The following EFR3A variants were observed in gnomAD, a reference collection of about 807,000 sequenced individuals.
EFR3A encodes the protein EFR3 homolog A.
Under a neutral mutation model 104.4 loss-of-function variants are expected in EFR3A, and 76 were observed. The observed-to-expected ratio is 0.73, with a 90% confidence interval of 0.60 to 0.88. EFR3A has a LOEUF of 0.88. Ranked by LOEUF, EFR3A falls within the 40% of genes least tolerant of loss-of-function variation. The pLI is 0.00. For missense variants in EFR3A, 985 were observed against 1,012.5 expected, an observed-to-expected ratio of 0.97 and a Z score of 0.37; for synonymous variants, 330 against 330.0, an observed-to-expected ratio of 1.00 and a Z score of 0.00.
intron 1 of EFR3A, among the ~76,000 whole-genome samples, chr8:131,931,380 G>A (rs1426230473): frequency 1.3e-5 from 2 of 152,128 alleles, no homozygotes; most frequent in Admixed American, 6.5e-5. Context: ...TCTTAGAGAT[G>A]TGTTAATGTT....
Position 132,011,492 on chromosome 8 carries a change from C to G in EFR3A, c.*597C>G, listed in dbSNP as rs1025451702. 7.9e-6 allele frequency: 7 copies of G among 891,110 alleles called. No individual in the cohort carries two copies. Among genetic ancestry groups the G allele is most frequent in the Non-Finnish European group, 9.4e-6 (7 of 744,264 alleles). The allele number at this position is 891,110 out of a possible 1,614,324, so 55.2% of individuals were successfully genotyped here. On this transcript the variant is annotated 3_prime_UTR_variant, in exon 23 of 23. Transcript: ENST00000254624. The stretch of plus-strand genomic sequence containing the variant: ...AGGACATCTGTTGAATAGCATTCCT[C>G]GAATATAACCCTAAAAACGCCATAC...
intron 8 of EFR3A, among the ~76,000 whole-genome samples, chr8:131,960,471 T>A (rs912769352): frequency 6.6e-6 from 1 of 152,174 alleles, no homozygotes; most frequent in Non-Finnish European, 1.5e-5. Context: ...ATTTTACTAT[T>A]GTTTTATGAC....
Position 132,012,224 on chromosome 8 carries a change from T to C in EFR3A, c.*1329T>C, listed in dbSNP as rs1253636996. On this transcript the variant is annotated 3_prime_UTR_variant, in exon 23 of 23. Coordinates refer to ENST00000254624, the MANE Select transcript of EFR3A (RefSeq NM_015137.6). ...CCTAGAATACAGTTTAATTTTTGGC[T>C]TTTGTTTTTGTTTAAAAAATTGCAG... 2 of 152,204 alleles carry C rather than the reference T, an allele frequency of 1.3e-5. No individual in the cohort carries two copies. Among genetic ancestry groups the C allele is most frequent in the African/African-American group, 2.4e-5 (1 of 41,456 alleles). The allele number at this position is 152,204 out of a possible 1,614,324, so 9.4% of individuals were successfully genotyped here.
rs1287837920 is a variant in EFR3A at position 131,959,593 on chromosome 8, A to C, written c.785A>C (p.Asp262Ala). The C allele has an allele frequency of 6.2e-7, 1 of 1,611,470 alleles. No individual in the cohort carries two copies. The highest frequency in any genetic ancestry group is 1.1e-5 in the South Asian group (1 of 90,392). ...NAVRPVFAHL[D>A]HHKLWDPNEF... Reference sequence around the variant, plus strand: ...ATTTTTGTTATTTGCAGGCATTTAGATCATCACAAACTGTGGGATCCCAAT... The same window carrying C: ...ATTTTTGTTATTTGCAGGCATTTAGCTCATCACAAACTGTGGGATCCCAAT... The change falls in exon 8 of 23, where the codon GAT becomes GCT. Residue 262 changes from aspartate (D) to alanine (A), a missense_variant. By Grantham distance (126) the Asp-to-Ala change is moderately radical (BLOSUM62 -2). Coordinates refer to ENST00000254624, the MANE Select transcript of EFR3A (RefSeq NM_015137.6).
intron 1 of EFR3A, among the ~76,000 whole-genome samples, chr8:131,927,066 G>A (rs1057436258): frequency 2.6e-5 from 4 of 152,138 alleles, no homozygotes; most frequent in Non-Finnish European, 5.9e-5. Context: ...TTTCAGAAAT[G>A]AATAAACCAC....
chr8:131,939,449 A>G (rs1423118224), intron 1 of EFR3A, among the ~76,000 whole-genome samples: 1 of 152,150 alleles, frequency 6.6e-6, no homozygotes, highest in East Asian at 1.9e-4. Context: ...TTACATTTAT[A>G]TTTCAAGCTC....
chr8:131,962,173 A>G (rs897977791), intron 8 of EFR3A, among the ~76,000 whole-genome samples: 6 of 152,232 alleles, frequency 3.9e-5, no homozygotes, highest in African/African-American at 1.4e-4. Flanking sequence ...ATCACCAGCT[A>G]ACATCATAAT....
Position 131,987,812 on chromosome 8 carries a change from A to T in EFR3A, c.2065+110A>T, listed in dbSNP as rs1028635826. Reference sequence around the variant, plus strand: ...TAATTCTGGTGTGTGTCCTTACTATAGCCCAGCCATTTTCAAATGCTTAAG... The same window carrying T: ...TAATTCTGGTGTGTGTCCTTACTATTGCCCAGCCATTTTCAAATGCTTAAG... On this transcript the variant is annotated intron_variant, in intron 18 of 22. Coordinates refer to ENST00000254624, the MANE Select transcript of EFR3A (RefSeq NM_015137.6). The T allele has an allele frequency of 6.0e-6, 7 of 1,175,792 alleles. No individual in the cohort carries two copies. The African/African-American group carries it at 1.1e-4, about 19-fold the overall frequency. The allele number at this position is 1,175,792 out of a possible 1,614,324, so 72.8% of individuals were successfully genotyped here. A position where few individuals can be genotyped will look rare whatever the true frequency, so the allele number is the denominator to read the frequency against.
At chr8:131,986,957 A>AT (rs1820919016) in intron 17 of EFR3A, among the ~76,000 whole-genome samples, 2 of 152,066 alleles carry the variant, frequency 1.3e-5, no homozygotes, top group Non-Finnish European at 2.9e-5. Context: ...CAATACTCAA[A>AT]ATATTGTGGA....
chr8:131,975,510 A>C (rs1820283691), intron 10 of EFR3A, among the ~76,000 whole-genome samples: 2 of 132,966 alleles, frequency 1.5e-5, no homozygotes, highest in Admixed American at 9.6e-5. Context: ...TCCACCTCCC[A>C]GGTTCAAGCA....
At chr8:131,950,995 C>T (rs1818673294) in intron 5 of EFR3A, among the ~76,000 whole-genome samples, 1 of 151,938 alleles carries the variant, frequency 6.6e-6, no homozygotes, top group Admixed American at 6.6e-5. Flanking sequence ...CTATCTACAC[C>T]TAAAAAACAA....
chr8:131,931,405 T>C (rs4546642), intron 1 of EFR3A, among the ~76,000 whole-genome samples: 62,522 of 151,896 alleles, frequency 0.41, 13,417 homozygotes, highest in East Asian at 0.61. Flanking sequence ...GTTTGATAGA[T>C]AAATCAGTAT....
At position 131,919,595 on chromosome 8, in the gene EFR3A, CAA is replaced by C. The variant is rs1054823834; in HGVS notation, c.10+15295_10+15296del. ...TGGGCGACAGAGCAAGACTCCGTCT[CAA>C]AAAAAAAAAAAAAAAAAAAAATTTA... On this transcript the variant is annotated intron_variant, in intron 1 of 22. Coordinates refer to ENST00000254624, the MANE Select transcript of EFR3A (RefSeq NM_015137.6). Among the ~76,000 whole-genome samples the C allele has an allele frequency of 4.4e-3, 237 of 53,856 alleles. 1 individual carries two copies. Among genetic ancestry groups the C allele is most frequent in the African/African-American group, 0.013 (218 of 16,392 alleles). 35.3% of individuals were successfully genotyped at this position (53,856 alleles called of 152,430 possible). A position where few individuals can be genotyped will look rare whatever the true frequency, so the allele number is the denominator to read the frequency against.
At chr8:131,914,919 G>A (rs191493395) in intron 1 of EFR3A, among the ~76,000 whole-genome samples, 9 of 152,218 alleles carry the variant, frequency 5.9e-5, no homozygotes, top group Non-Finnish European at 1.0e-4. Flanking sequence ...TTGGTTTTCT[G>A]TTCCTGTGTC....
chr8:131,926,366 G>T (rs1429819497), intron 1 of EFR3A, among the ~76,000 whole-genome samples: 1 of 151,976 alleles, frequency 6.6e-6, no homozygotes, highest in East Asian at 1.9e-4. Flanking sequence ...TTTTTTGGGT[G>T]TAAAAATAGC....
intron 4 of EFR3A, among the ~76,000 whole-genome samples, chr8:131,946,922 A>G (rs1311431366): frequency 6.6e-6 from 1 of 152,012 alleles, no homozygotes; most frequent in Non-Finnish European, 1.5e-5. Context: ...TGTGTCCTAC[A>G]TTCCTTTTGA....
chr8:131,940,357 C>A, intron 1 of EFR3A, 142 bp from the exon 2 acceptor site: 2 of 785,596 alleles, frequency 2.5e-6, no homozygotes, highest in Non-Finnish European at 3.9e-6. Flanking sequence ...TTCTTAATCA[C>A]TGATTACATT....
intron 3 of EFR3A, among the ~76,000 whole-genome samples, chr8:131,945,658 C>A (rs917207891): frequency 1.3e-5 from 2 of 152,016 alleles, no homozygotes; most frequent in Admixed American, 1.3e-4. Context: ...AAAATTGATA[C>A]ATAATATTTT....
chr8:131,914,825 G>T (rs957882866), intron 1 of EFR3A, among the ~76,000 whole-genome samples: 1 of 151,982 alleles, frequency 6.6e-6, no homozygotes, highest in African/African-American at 2.4e-5. Flanking sequence ...CCACCCTCAA[G>T]TGGGCCCCAG....
Sources: gnomAD v4.1 joint callset for allele counts (sites outside exome capture counted in the v4.1 genomes callset) on GRCh38, gnomAD v4.1.1 for gene constraint, MANE v1.5 for transcripts, NCBI Gene and HGNC (gene_info 2026-07-23, HGNC 2026-07-21) for gene names.